CDH7: variants seen among roughly 807,000 people sequenced by gnomAD.
CDH7 encodes the protein cadherin 7, also known as cadherin-7.
A neutral mutation model predicts 71.8 loss-of-function variants in CDH7; 25 were observed. The ratio of observed to expected loss-of-function variants is 0.35; its 90% CI spans 0.25 to 0.49. The LOEUF is 0.49. Among genes scored for constraint, CDH7 ranks in the 20% least tolerant of loss-of-function variants. CDH7 has a pLI of 0.99. For synonymous variants in CDH7, 381 were observed against 363.8 expected (o/e 1.05, Z -0.54); for missense variants, 862 against 974.6 (o/e 0.88, Z 1.54).
intron 6 of CDH7, among the ~76,000 whole-genome samples, chr18:65,840,627 A>T (rs1320620817): frequency 6.6e-6 from 1 of 152,022 alleles, no homozygotes; most frequent in African/African-American, 2.4e-5. Context: ...ATGGTTTTAT[A>T]AGGGGGAGTT....
chr18:65,826,015 T>G (rs1912116246), intron 6 of CDH7, among the ~76,000 whole-genome samples: 1 of 151,690 alleles, frequency 6.6e-6, no homozygotes, highest in Non-Finnish European at 1.5e-5. Flanking sequence ...ACCTATATTT[T>G]ATATATTATA....
At chr18:65,848,164 C>T (rs1913002175) in intron 7 of CDH7, among the ~76,000 whole-genome samples, 2 of 152,028 alleles carry the variant, frequency 1.3e-5, no homozygotes, top group South Asian at 4.1e-4. Flanking sequence ...ATAGAAACTT[C>T]ACTTCTGTGT....
intron 11 of CDH7, among the ~76,000 whole-genome samples, chr18:65,872,772 A>G (rs1166373257): frequency 6.6e-6 from 1 of 151,964 alleles, no homozygotes; most frequent in African/African-American, 2.4e-5. Flanking sequence ...GCATGCACCC[A>G]AAGTCCCAGC....
chr18:65,808,468 AT>A, intron 2 of CDH7, among the ~76,000 whole-genome samples: 1 of 152,246 alleles, frequency 6.6e-6, no homozygotes, highest in Non-Finnish European at 1.5e-5. Context: ...AAGTTAAATT[AT>A]AACTTGTGCC....
chr18:65,855,815 T>A (rs867417510), intron 7 of CDH7, among the ~76,000 whole-genome samples: 63 of 152,298 alleles, frequency 4.1e-4, no homozygotes, highest in African/African-American at 1.4e-3. Flanking sequence ...ATCAAGACTT[T>A]CATGCAAATA....
At chr18:65,854,370 A>G (rs1265336426) in intron 7 of CDH7, among the ~76,000 whole-genome samples, 2 of 152,148 alleles carry the variant, frequency 1.3e-5, no homozygotes, top group African/African-American at 4.8e-5. Context: ...AAATATTTGA[A>G]TGATAGAAAC....
At chr18:65,794,173 T>TTA (rs1282152325) in intron 2 of CDH7, among the ~76,000 whole-genome samples, 1 of 151,164 alleles carries the variant, frequency 6.6e-6, no homozygotes, top group African/African-American at 2.4e-5. Flanking sequence ...AATACACAGT[T>TTA]TTTTTTTCTT....
chr18:65,853,908 T>TATATATATATATATATATATATATCC (rs1913237314), intron 7 of CDH7, among the ~76,000 whole-genome samples: 1 of 6,840 alleles, frequency 1.5e-4, no homozygotes, highest in African/African-American at 1.2e-3. Flanking sequence ...TAAATTACCA[T>TATATATATATATATATATATATATCC]ATATATATAT....
Position 65,885,395 on chromosome 18 carries a change from T to TTTTTTTTTTTTTTTTTTC in CDH7, c.*4501_*4502insTTTTTTTTTTTTTTTTTC, listed in dbSNP as rs1914349214. ...GTGTTTTTTTTTTTTTTTTTTTTTT[T>TTTTTTTTTTTTTTTTTTC]GACGTGGAGTCTCGCTCTGTCGCCC... On this transcript the variant is annotated 3_prime_UTR_variant, in exon 12 of 12. Transcript: ENST00000397968. The TTTTTTTTTTTTTTTTTTC allele has an allele frequency of 1.4e-5, 2 of 143,976 alleles. No individual in the cohort carries two copies. Among genetic ancestry groups the TTTTTTTTTTTTTTTTTTC allele is most frequent in the Non-Finnish European group, 3.0e-5 (2 of 66,194 alleles). 8.9% of individuals were successfully genotyped at this position (143,976 alleles called of 1,614,324 possible).
intron 2 of CDH7, among the ~76,000 whole-genome samples, chr18:65,798,307 A>G (rs1472651279): frequency 6.6e-6 from 1 of 152,232 alleles, no homozygotes. Flanking sequence ...GAATTTTGCC[A>G]TTTGACAGCC....
At position 65,886,579 on chromosome 18, in the gene CDH7, C is replaced by T. The variant is rs894791526; in HGVS notation, c.*5685C>T. The T allele has an allele frequency of 6.6e-6, 1 of 152,010 alleles. No individual in the cohort carries two copies. The highest frequency in any genetic ancestry group is 1.5e-5 in the Non-Finnish European group (1 of 67,994). The allele number at this position is 152,010 out of a possible 1,614,324, so 9.4% of individuals were successfully genotyped here. On this transcript the variant is annotated 3_prime_UTR_variant, in exon 12 of 12. Transcript: ENST00000397968. Reference sequence around the variant, plus strand: ...AAGGACTGCCTTTAGATGATCCCAGCCTCATTGATGAACACAAAACACCAG... The same window carrying T: ...AAGGACTGCCTTTAGATGATCCCAGTCTCATTGATGAACACAAAACACCAG...
chr18:65,756,553 A>G (rs1278380973), intron 1 of CDH7, among the ~76,000 whole-genome samples: 2 of 152,222 alleles, frequency 1.3e-5, no homozygotes, highest in East Asian at 1.9e-4. Context: ...AGTGTGTTAT[A>G]TATTAAGTCT....
rs1307070634 is a variant in CDH7 at position 65,890,061 on chromosome 18, G to A, written c.*9167G>A. 3 of 152,060 alleles carry A rather than the reference G, an allele frequency of 2.0e-5. No homozygotes were observed. Among genetic ancestry groups the A allele is most frequent in the Non-Finnish European group, 4.4e-5 (3 of 68,028 alleles). 9.4% of individuals were successfully genotyped at this position (152,060 alleles called of 1,614,324 possible). On this transcript the variant is annotated 3_prime_UTR_variant, in exon 12 of 12. Transcript: ENST00000397968. ...TGCCTCCTTAAATACTGGAATTACA[G>A]GTGTGAGTCACCATGCCAGGTGTCT...
chr18:65,850,063 C>T (rs964274927), intron 7 of CDH7, among the ~76,000 whole-genome samples: 26 of 151,310 alleles, frequency 1.7e-4, no homozygotes, highest in Admixed American at 9.2e-4. Context: ...ACTCGGGAGG[C>T]TGAGGCTGAA....
intron 1 of CDH7, among the ~76,000 whole-genome samples, chr18:65,751,410 T>A (rs929818470): frequency 1.3e-5 from 2 of 150,884 alleles, no homozygotes; most frequent in Non-Finnish European, 3.0e-5. Flanking sequence ...ACACGAGGAG[T>A]AGTAGTTGAG....
At chr18:65,829,118 G>GTTTGTTTTGTTTTGTTTTTGT (rs1555686887) in intron 6 of CDH7, among the ~76,000 whole-genome samples, 10 of 149,920 alleles carry the variant, frequency 6.7e-5, no homozygotes, top group Admixed American at 2.0e-4. Context: ...TGTCATTTTT[G>GTTTGTTTTGTTTTGTTTTTGT]TTTTGTTTTG....
At chr18:65,826,169 C>A (rs1322814724) in intron 6 of CDH7, among the ~76,000 whole-genome samples, 1 of 151,068 alleles carries the variant, frequency 6.6e-6, no homozygotes. Context: ...ACAAAAAAAC[C>A]TAGATTAAAA....
intron 6 of CDH7, among the ~76,000 whole-genome samples, chr18:65,840,481 C>A (rs2587448): frequency 0.057 from 8,735 of 152,024 alleles, 833 homozygotes; most frequent in African/African-American, 0.2. Flanking sequence ...TGTGTCCCCA[C>A]CCAAATCTCA....
intron 7 of CDH7, among the ~76,000 whole-genome samples, chr18:65,849,413 TCTTTTCTTTTCTTTCTTTTCTTTC>T (rs1913065088): frequency 8.4e-6 from 1 of 118,416 alleles, no homozygotes; most frequent in Non-Finnish European, 1.7e-5. Flanking sequence ...TCTTTTCTTT[TCTTTTCTTTTCTTTCTTTTCTTTC>T]CTTTTCTTTT....
Sources: allele counts gnomAD v4.1 joint callset (sites outside exome capture counted in the v4.1 genomes callset), GRCh38; gene constraint gnomAD v4.1.1; transcripts MANE v1.5; gene names NCBI Gene and HGNC (gene_info 2026-07-23, HGNC 2026-07-21).